The following LRP1 variants were observed in gnomAD, a reference collection of about 807,000 sequenced individuals.
LRP1 encodes prolow-density lipoprotein receptor-related protein 1.
Under a neutral mutation model 541.5 loss-of-function variants are expected in LRP1, and 51 were observed. The ratio of observed to expected loss-of-function variants is 0.09; its 90% CI spans 0.08 to 0.12. The LOEUF (loss-of-function observed/expected upper bound fraction) is 0.12. Ranked by LOEUF, LRP1 falls within the 10% of genes least tolerant of loss-of-function variation. The pLI is 1.00. For missense variants in LRP1, 3,878 were observed against 6,376.2 expected, an observed-to-expected ratio of 0.61 and a Z score of 13.34; for synonymous variants, 2,219 against 2,470.8, an observed-to-expected ratio of 0.90 and a Z score of 3.02.
intron 68 of LRP1, 115 bp from the exon 69 acceptor site, chr12:57,203,066 C>T: frequency 1.3e-6 from 1 of 772,254 alleles, no homozygotes; most frequent in Non-Finnish European, 2.0e-6. Context: ...CTGGGTCAGT[C>T]AGCTGTGGCC....
At chr12:57,166,784 C>A in intron 17 of LRP1, 146 bp from the exon 18 acceptor site, 1 of 636,068 alleles carries the variant, frequency 1.6e-6, no homozygotes, top group Non-Finnish European at 2.8e-6. Context: ...TCCAGTGAGA[C>A]CAGAGAGATG....
chr12:57,208,746 A>C lies in LRP1; in HGVS notation c.12074A>C (p.Lys4025Thr), dbSNP rs202069155. The C allele has an allele frequency of 6.2e-7, 1 of 1,614,030 alleles. No individual in the cohort carries two copies. Among genetic ancestry groups the C allele is most frequent in the Non-Finnish European group, 8.5e-7 (1 of 1,179,968 alleles). The change falls in exon 78 of 89, where the codon AAG (lysine) becomes ACG (threonine). Residue 4025 changes from lysine to threonine, a missense_variant. Coordinates refer to ENST00000243077, the MANE Select transcript of LRP1 (RefSeq NM_002332.3). Reference sequence around the variant, plus strand: ...TGGTCAGACTGGGGCAACCACCCCAAGATTGAGACGGCAGCGATGGATGGG... The same window carrying C: ...TGGTCAGACTGGGGCAACCACCCCACGATTGAGACGGCAGCGATGGATGGG... ...MYWSDWGNHP[K>T]IETAAMDGTL...
intron 1 of LRP1, among the ~76,000 whole-genome samples, chr12:57,135,668 G>T (rs868123269): frequency 6.6e-6 from 1 of 152,178 alleles, no homozygotes; most frequent in African/African-American, 2.4e-5. Flanking sequence ...CTCCCCCGGT[G>T]CTGCTGTGGG....
intron 1 of LRP1, among the ~76,000 whole-genome samples, chr12:57,137,761 A>T (rs192903728): frequency 9.2e-4 from 139 of 151,204 alleles, no homozygotes; most frequent in African/African-American, 3.2e-3. Context: ...GTGCCACTGC[A>T]CTCCAGCCTG....
At chr12:57,196,836 G>A in intron 55 of LRP1, 146 bp from the exon 56 acceptor site, 1 of 670,080 alleles carries the variant, frequency 1.5e-6, no homozygotes, top group South Asian at 1.8e-5. Context: ...GGCCTGCACT[G>A]TGGGCCAGCT....
chr12:57,199,317 C>T lies in LRP1; in HGVS notation c.9782C>T (p.Thr3261Met), dbSNP rs753856435. Residue 3261 changes from threonine (T) to methionine (M), a missense_variant, in exon 61 of 89, where the codon ACG becomes ATG. By Grantham distance (81) the Thr-to-Met change is moderately conservative. This residue lies in a region of LRP1 where 1,100 missense variants were observed against 1,827.4 expected (regional missense o/e 0.60). Coordinates refer to ENST00000243077, the MANE Select transcript of LRP1 (RefSeq NM_002332.3). ...TCCATTAACCGAGCCCACAAGACCA[C>T]GGGCACCAACAAAACGCTCCTCATC... is the stretch of plus-strand genomic sequence containing the variant. ...TKSINRAHKT[T>M]GTNKTLLIST... 8.7e-6 allele frequency: 14 copies of T among 1,613,640 alleles called. No individual in the cohort carries two copies. Among genetic ancestry groups the T allele is most frequent in the East Asian group, 6.7e-5 (3 of 44,890 alleles).
Position 57,179,738 on chromosome 12 carries a change from G to A in LRP1, c.4967-44G>A. The A allele has an allele frequency of 6.3e-7, 1 of 1,589,550 alleles. No homozygotes were observed. The highest frequency in any genetic ancestry group is 8.6e-7 in the Non-Finnish European group (1 of 1,162,418). ...ACACTGGCTCCCCTCCTGACCCACT[G>A]CCCTGCAGACACCCAACAACTGACT... On this transcript the variant is annotated intron_variant, in intron 29 of 88. Transcript: ENST00000243077. The surrounding 1 kb of genome is among the most constrained non-coding windows in gnomAD (Gnocchi z 6.8).
Position 57,210,894 on chromosome 12 carries a change from C to A in LRP1, c.12916+15C>A, listed in dbSNP as rs1356375603. ...CTGCCAGTACCGTGAGTGAGCCATC[C>A]CTGGGCCCCAGGGCATGCGGGAGGG... On this transcript the variant is annotated intron_variant, in intron 83 of 88. Transcript: ENST00000243077. The A allele has an allele frequency of 1.2e-6, 2 of 1,604,076 alleles. No homozygotes were observed. Among genetic ancestry groups the A allele is most frequent in the East Asian group, 4.5e-5 (2 of 44,592 alleles).
At chr12:57,160,589 G>A (rs1316155596) in intron 12 of LRP1, among the ~76,000 whole-genome samples, 1 of 152,030 alleles carries the variant, frequency 6.6e-6, no homozygotes, top group African/African-American at 2.4e-5. Flanking sequence ...TTCCCTCCTG[G>A]CCTTTATCGC....
Position 57,194,383 on chromosome 12 carries a change from C to T in LRP1, c.7948C>T (p.Leu2650=). The change falls in exon 49 of 89, where the codon CTG becomes TTG. Residue 2650 remains leucine, a synonymous_variant. Transcript: ENST00000243077. The part of the protein sequence containing the change: ...SATDCSSYFR[L]GVKGVLFQPC... ...CACCGACTGCAGCAGCTACTTCCGC[C>T]TGGGCGTGAAGGGCGTGCTCTTCCA... 6.6e-7 allele frequency: 1 copy of T among 1,513,626 alleles called. No individual in the cohort carries two copies. The allele number at this position is 1,513,626 out of a possible 1,614,324, so 93.8% of individuals were successfully genotyped here.
Position 57,183,586 on chromosome 12 carries a change from C to A in LRP1, c.5794+76C>A. On this transcript the variant is annotated intron_variant, in intron 35 of 88. Transcript: ENST00000243077. The surrounding 1 kb of genome is among the most constrained non-coding windows in gnomAD (Gnocchi z 6.1). ...GGTGGTGTGGTGTGCCCTGAGGGTCCAGTGAGAGGCTGCCTGAATTGGCCT... is the reference window on the plus strand; with the variant it reads ...GGTGGTGTGGTGTGCCCTGAGGGTCAAGTGAGAGGCTGCCTGAATTGGCCT... 1 of 1,538,236 alleles carries A rather than the reference C, an allele frequency of 6.5e-7. No individual in the cohort carries two copies.
Position 57,195,320 on chromosome 12 carries a change from G to A in LRP1, c.8358G>A (p.Val2786=). The A allele has an allele frequency of 6.2e-7, 1 of 1,613,538 alleles. No individual in the cohort carries two copies. Among genetic ancestry groups the A allele is most frequent in the Non-Finnish European group, 8.5e-7 (1 of 1,180,030 alleles). ...CCTTCTCCTGCCCTGGCACCCACGTGTGCGTCCCCGAGCGCTGGCTCTGTG... is the reference window on the plus strand; with the variant it reads ...CCTTCTCCTGCCCTGGCACCCACGTATGCGTCCCCGAGCGCTGGCTCTGTG... ...PSSFSCPGTH[V]CVPERWLCDG... is the part of the protein sequence containing the mutation. Residue 2786 remains valine (V), a synonymous_variant, in exon 52 of 89, where the codon GTG becomes GTA. Coordinates refer to ENST00000243077, the MANE Select transcript of LRP1 (RefSeq NM_002332.3).
rs138966453 is a variant in LRP1, at chr12:57,156,817, G to C, written c.1458G>C (p.Pro486=). ...HACENDQYGK[P]GGCSDICLLA... ...GTGAAAACGACCAGTATGGGAAGCCGGGTGGCTGCTCTGACATCTGCCTGC... is the reference window on the plus strand; with the variant it reads ...GTGAAAACGACCAGTATGGGAAGCCCGGTGGCTGCTCTGACATCTGCCTGC... The change falls in exon 10 of 89, where the codon CCG becomes CCC. Residue 486 remains proline (P), a synonymous_variant. Coordinates refer to ENST00000243077, the MANE Select transcript of LRP1 (RefSeq NM_002332.3). The surrounding 1 kb of genome is among the most constrained non-coding windows in gnomAD (Gnocchi z 5.2). 8 of 1,609,352 alleles carry C rather than the reference G, an allele frequency of 5.0e-6. No individual in the cohort carries two copies. The highest frequency in any genetic ancestry group is 6.8e-6 in the Non-Finnish European group (8 of 1,178,302).
At position 57,154,665 on chromosome 12, in the gene LRP1, G is replaced by T. The variant is rs1456140126; in HGVS notation, c.1191G>T (p.Glu397Asp). The T allele has an allele frequency of 1.3e-6, 2 of 1,578,442 alleles. No homozygotes were observed. The highest frequency in any genetic ancestry group is 4.7e-5 in the East Asian group (2 of 42,746). ...ACTATATTGAAGTGGTGGACTATGA[G>T]GGCAAGGGCCGCCAGACCATCATCC... Reference protein sequence around the residue: ...YLDYIEVVDYEGKGRQTIIQG... With the variant: ...YLDYIEVVDYDGKGRQTIIQG... The change falls in exon 8 of 89, where the codon GAG becomes GAT. Residue 397 changes from glutamate to aspartate, a missense_variant. Around this residue, in one of 13 missense-constraint regions of LRP1, gnomAD observed 496 missense variants for 861.0 expected, o/e 0.58. Transcript: ENST00000243077. This position sits in a 1 kb window ranked among gnomAD's most constrained non-coding sequence, Gnocchi z 4.6.
intron 19 of LRP1, 133 bp from the exon 20 acceptor site, chr12:57,169,007 T>G: frequency 1.4e-6 from 1 of 726,890 alleles, no homozygotes; most frequent in Non-Finnish European, 2.3e-6. Flanking sequence ...GTCTTTTCTG[T>G]TTGTTATTTT....
Position 57,198,642 on chromosome 12 carries a change from C to T in LRP1, c.9648C>T (p.Ala3216=), listed in dbSNP as rs773114069. ...ADAREDYIEF[A]SLDGSNRHVV... is the part of the protein sequence containing the mutation. Reference sequence around the variant, plus strand: ...CCCGCGAGGACTACATTGAATTTGCCAGCCTGGATGGCTCCAATCGCCACG... The same window carrying T: ...CCCGCGAGGACTACATTGAATTTGCTAGCCTGGATGGCTCCAATCGCCACG... The change falls in exon 60 of 89, where the codon GCC becomes GCT. Residue 3216 remains alanine, a synonymous_variant. Coordinates refer to ENST00000243077, the MANE Select transcript of LRP1 (RefSeq NM_002332.3). The T allele has an allele frequency of 6.2e-7, 1 of 1,612,474 alleles. No homozygotes were observed. The highest frequency in any genetic ancestry group is 1.7e-5 in the Admixed American group (1 of 59,894).
At position 57,209,167 on chromosome 12, in the gene LRP1, C is replaced by T. The variant is rs142667784; in HGVS notation, c.12230C>T (p.Thr4077Met). 4 of 1,613,920 alleles carry T rather than the reference C, an allele frequency of 2.5e-6. No homozygotes were observed. Among genetic ancestry groups the T allele is most frequent in the Non-Finnish European group, 2.5e-6 (3 of 1,179,982 alleles). ...SVIGSIRLNG[T>M]DPIVAADSKR... ...ATCGGCAGCATCCGGCTCAATGGCA[C>T]GGACCCCATTGTGGCTGCTGACAGC... Residue 4077 changes from threonine (T) to methionine (M), a missense_variant, in exon 79 of 89, where the codon ACG becomes ATG. Around this residue, in one of 13 missense-constraint regions of LRP1, gnomAD observed 871 missense variants for 1,212.4 expected, o/e 0.72. Transcript: ENST00000243077.
Position 57,138,536 on chromosome 12 carries a change from G to C in LRP1, c.145G>C (p.Gly49Arg). ...TCISKGWRCD[G>R]ERDCPDGSDE... ...TATCTCAAAGGGCTGGCGGTGCGAC[G>C]GTGAGAGGGACTGCCCAGACGGATC... is the stretch of plus-strand genomic sequence containing the variant. The change falls in exon 2 of 89, where the codon GGT becomes CGT. Residue 49 changes from glycine (G) to arginine (R), a missense_variant. Transcript: ENST00000243077. The C allele has an allele frequency of 6.2e-7, 1 of 1,614,064 alleles. No homozygotes were observed.
chr12:57,190,766 C>T, intron 42 of LRP1, 39 bp from the exon 43 acceptor site: 1 of 1,593,740 alleles, frequency 6.3e-7, no homozygotes, highest in Non-Finnish European at 8.6e-7. Context: ...TGTGGATTCT[C>T]AGGCTTTGCC....
Sources: allele counts gnomAD v4.1 joint callset (sites outside exome capture counted in the v4.1 genomes callset), GRCh38; gene constraint gnomAD v4.1.1; regional missense constraint gnomAD v4.1.1; non-coding constraint Gnocchi (gnomAD v3.1); transcripts MANE v1.5; gene names NCBI Gene and HGNC (gene_info 2026-07-23, HGNC 2026-07-21).